Variants in UBAC1 observed in about 807,000 individuals in gnomAD.
UBAC1 encodes ubiquitin-associated domain-containing protein 1.
A neutral mutation model predicts 45.9 loss-of-function variants in UBAC1; 27 were observed. The ratio of observed to expected loss-of-function variants is 0.59; its 90% CI spans 0.43 to 0.81. UBAC1 has a LOEUF of 0.81. UBAC1 is among the 30% of genes least tolerant of loss of function. The pLI is 0.00. For synonymous variants in UBAC1, 227 were observed against 215.5 expected (o/e 1.05, Z -0.47); for missense variants, 529 against 539.2 (o/e 0.98, Z 0.19).
At chr9:135,947,499 C>T (rs1839352372) in intron 4 of UBAC1, 2 of 302,372 alleles carry the variant, frequency 6.6e-6, no homozygotes, top group Non-Finnish European at 1.2e-5. Context: ...GTGATCCACC[C>T]GCTTCGGGTT....
At chr9:135,936,124 T>A (rs566757882) in intron 9 of UBAC1, among the ~76,000 whole-genome samples, 11 of 151,826 alleles carry the variant, frequency 7.2e-5, no homozygotes, top group African/African-American at 2.2e-4. Context: ...AGATCTTGCA[T>A]GGACAGTGGC....
intron 6 of UBAC1, chr9:135,945,467 T>A: frequency 3.8e-6 from 2 of 531,828 alleles, no homozygotes; most frequent in South Asian, 3.1e-5. Flanking sequence ...GAAGCCCATG[T>A]CTAAGGAGAG....
intron 1 of UBAC1, among the ~76,000 whole-genome samples, chr9:135,956,950 C>G (rs1839474063): frequency 6.6e-6 from 1 of 152,206 alleles, no homozygotes; most frequent in South Asian, 2.1e-4. Flanking sequence ...GGGGCACCAC[C>G]CCAGGACAGG....
intron 1 of UBAC1, among the ~76,000 whole-genome samples, chr9:135,958,484 A>G (rs1420232339): frequency 1.3e-5 from 2 of 152,192 alleles, no homozygotes; most frequent in Non-Finnish European, 2.9e-5. Flanking sequence ...GGGAAAGGCA[A>G]AAGCAAGAGT....
At chr9:135,954,002 G>T in intron 2 of UBAC1, 1 of 224,410 alleles carries the variant, frequency 4.5e-6, no homozygotes, top group Non-Finnish European at 8.9e-6. Flanking sequence ...AGCCAGGCGT[G>T]GTGGCGCATG....
chr9:135,938,109 C>T lies in UBAC1; in HGVS notation c.1102+113G>A, dbSNP rs1043897990. 19 of 1,474,520 alleles carry T rather than the reference C, an allele frequency of 1.3e-5. No individual in the cohort carries two copies. The South Asian group carries it at 1.3e-4, about 10-fold the overall frequency. 91.3% of individuals were successfully genotyped at this position (1,474,520 alleles called of 1,614,324 possible). A position where few individuals can be genotyped will look rare whatever the true frequency, so the allele number is the denominator to read the frequency against. On this transcript the variant is annotated intron_variant, in intron 9 of 9. Coordinates refer to ENST00000371756, the MANE Select transcript of UBAC1 (RefSeq NM_016172.3). ...CATGGCAGGACGTGCTGCCAGCGCA[C>T]GGCGATCCTCAGCGCTGGATCCTCC...
rs754564905 is a variant in UBAC1, at chr9:135,933,477, G to C, written c.1141C>G (p.Gln381Glu). 1 of 1,614,132 alleles carries C rather than the reference G, an allele frequency of 6.2e-7. No individual in the cohort carries two copies. The highest frequency in any genetic ancestry group is 1.1e-5 in the South Asian group (1 of 91,090). The change falls in exon 10 of 10, where the codon CAG becomes GAG. Residue 381 changes from glutamine (Q) to glutamate (E), a missense_variant. Coordinates refer to ENST00000371756, the MANE Select transcript of UBAC1 (RefSeq NM_016172.3). Reference protein sequence around the residue: ...DMLENPLNSTQWMNDPETGPV... With the variant: ...DMLENPLNSTEWMNDPETGPV... ...CCCGTTTCTGGATCATTCATCCACT[G>C]GGTGCTGTTCAGTGGGTTCTCCAGC...
At chr9:135,959,115 A>C (rs923872685) in intron 1 of UBAC1, among the ~76,000 whole-genome samples, 3 of 152,228 alleles carry the variant, frequency 2.0e-5, no homozygotes, top group East Asian at 3.8e-4. Flanking sequence ...TTCATAAAAG[A>C]GTATCATGAT....
chr9:135,935,970 G>A (rs1357653952), intron 9 of UBAC1, among the ~76,000 whole-genome samples: 3 of 147,572 alleles, frequency 2.0e-5, no homozygotes, highest in Non-Finnish European at 3.0e-5. Flanking sequence ...AGCTTGCAGT[G>A]AGCTGAGATC....
At position 135,955,429 on chromosome 9, in the gene UBAC1, G is replaced by A. The variant is rs767750116; in HGVS notation, c.139-14C>T. 6.6e-7 allele frequency: 1 copy of A among 1,521,916 alleles called. No individual in the cohort carries two copies. Among genetic ancestry groups the A allele is most frequent in the Non-Finnish European group, 8.8e-7 (1 of 1,137,436 alleles). 94.3% of individuals were successfully genotyped at this position (1,521,916 alleles called of 1,614,324 possible). A position where few individuals can be genotyped will look rare whatever the true frequency, so the allele number is the denominator to read the frequency against. On this transcript the variant is annotated splice_polypyrimidine_tract_variant and intron_variant, in intron 1 of 9. Transcript: ENST00000371756. ...CCCATGAGCACACTGGGGAAAAATAGAAATTTCAAGGTAGAAAATAAGTAA... is the reference window on the plus strand; with the variant it reads ...CCCATGAGCACACTGGGGAAAAATAAAAATTTCAAGGTAGAAAATAAGTAA...
chr9:135,952,100 G>A (rs562797570), intron 3 of UBAC1, among the ~76,000 whole-genome samples: 12 of 152,360 alleles, frequency 7.9e-5, no homozygotes, highest in Admixed American at 5.2e-4. Flanking sequence ...AGGGACAGGC[G>A]GAGGCAGGCC....
rs1051941562 is a variant in UBAC1 at position 135,953,692 on chromosome 9, T to G, written c.321A>C (p.Ser107=). The G allele has an allele frequency of 6.2e-7, 1 of 1,613,870 alleles. No homozygotes were observed. The highest frequency in any genetic ancestry group is 8.5e-7 in the Non-Finnish European group (1 of 1,179,816). Residue 107 remains serine, a synonymous_variant, in exon 3 of 10, where the codon TCA becomes TCC. Transcript: ENST00000371756. The stretch of plus-strand genomic sequence containing the variant: ...CTTTGAAATTTACCTTTTCTTCTGC[T>G]GAGACATCAGCCATCTTGGGAAGTG... ...PSPLPKMADV[S]AEEKKKQDQK... is the part of the protein sequence containing the mutation.
intron 4 of UBAC1, chr9:135,947,464 G>A (rs1839352165): frequency 4.4e-6 from 1 of 227,270 alleles, no homozygotes; most frequent in Admixed American, 5.7e-5. Flanking sequence ...TGTTGGCCAG[G>A]CTGGTCTCGA....
At chr9:135,938,126 G>A in intron 9 of UBAC1, 96 bp downstream of exon 9, 5 of 1,529,082 alleles carry the variant, frequency 3.3e-6, no homozygotes, top group Non-Finnish European at 4.4e-6. Context: ...CCTCAGCGCT[G>A]GATCCTCCGT....
chr9:135,938,541 G>C (rs528986474), intron 8 of UBAC1, among the ~76,000 whole-genome samples, 181 bp from the exon 9 acceptor site: 1 of 152,272 alleles, frequency 6.6e-6, no homozygotes, highest in Admixed American at 6.5e-5. Context: ...ACTGCCGTGC[G>C]TGTCAGACCA....
At position 135,945,682 on chromosome 9, in the gene UBAC1, C is replaced by T. The variant is rs1011785153; in HGVS notation, c.653+207G>A. 2.0e-5 allele frequency: 12 copies of T among 587,242 alleles called. No individual in the cohort carries two copies. The African/African-American group carries it at 2.2e-4, about 11-fold the overall frequency. 36.4% of individuals were successfully genotyped at this position (587,242 alleles called of 1,614,324 possible). On this transcript the variant is annotated intron_variant, in intron 6 of 9. Coordinates refer to ENST00000371756, the MANE Select transcript of UBAC1 (RefSeq NM_016172.3). The stretch of plus-strand genomic sequence containing the variant: ...TCACCTTGAGTTCTCATACAACGGC[C>T]CAAAGAGAATTTACACAACGACTGT...
In UBAC1 at chr9:135,953,917, T is replaced by C. The variant is rs933284864; in HGVS notation, c.260-164A>G. On this transcript the variant is annotated intron_variant, in intron 2 of 9. Transcript: ENST00000371756. ...ACTTTGGGAGGCTGAGGCGGGCAAA[T>C]TACCTGAGGTCAGGTGTTCAAGACA... The C allele has an allele frequency of 7.9e-5, 33 of 419,402 alleles. 2 individuals are homozygous for C. Among genetic ancestry groups the C allele is most frequent in the Middle Eastern group, 6.9e-4 (1 of 1,440 alleles). The allele number at this position is 419,402 out of a possible 1,614,324, so 26.0% of individuals were successfully genotyped here.
chr9:135,935,980 C>T (rs551117679), intron 9 of UBAC1, among the ~76,000 whole-genome samples: 10 of 143,600 alleles, frequency 7.0e-5, no homozygotes, highest in African/African-American at 2.3e-4. Context: ...GAGCTGAGAT[C>T]GTGCCACTGC....
chr9:135,951,024 G>A (rs1416754782), intron 3 of UBAC1, among the ~76,000 whole-genome samples: 5 of 152,098 alleles, frequency 3.3e-5, no homozygotes, highest in Non-Finnish European at 7.3e-5. Flanking sequence ...CTTAAGCCCA[G>A]GAGGCAGAGG....
Sources: allele counts gnomAD v4.1 joint callset (sites outside exome capture counted in the v4.1 genomes callset), GRCh38; gene constraint gnomAD v4.1.1; transcripts MANE v1.5; gene names NCBI Gene and HGNC (gene_info 2026-07-23, HGNC 2026-07-21).